Variants in PVT1 observed in about 807,000 individuals in gnomAD.
PVT1 encodes the protein Pvt1 oncogene.
chr8:128,018,602 A>C (rs935432852), intron 4 of PVT1, among the ~76,000 whole-genome samples: 1 of 152,234 alleles, frequency 6.6e-6, no homozygotes, highest in Non-Finnish European at 1.5e-5. Flanking sequence ...CCGTAGCAGT[A>C]AATGTCAGGG....
intron 2 of PVT1, among the ~76,000 whole-genome samples, chr8:127,808,412 T>C (rs1814552654): frequency 6.6e-6 from 1 of 152,144 alleles, no homozygotes; most frequent in Non-Finnish European, 1.5e-5. Context: ...TAATAGCATG[T>C]GTGAAGGCCC....
intron 3 of PVT1, among the ~76,000 whole-genome samples, chr8:127,978,876 G>A (rs1303360181): frequency 2.0e-5 from 3 of 152,024 alleles, no homozygotes; most frequent in African/African-American, 7.3e-5. Context: ...GTGTATTCTT[G>A]AACTCCTAGA....
At chr8:127,942,633 C>T (rs187403753) in intron 3 of PVT1, among the ~76,000 whole-genome samples, 5 of 152,274 alleles carry the variant, frequency 3.3e-5, no homozygotes, top group South Asian at 2.1e-4. Flanking sequence ...GAGTGATAGC[C>T]ACCTGGTGAC....
chr8:127,868,710 GT>G (rs1180515955), intron 2 of PVT1, among the ~76,000 whole-genome samples: 4 of 84,732 alleles, frequency 4.7e-5, no homozygotes, highest in African/African-American at 1.7e-4. Flanking sequence ...TGGCCCACAG[GT>G]TTTTTTTAAT....
chr8:127,836,754 G>A (rs1290512556), intron 2 of PVT1, among the ~76,000 whole-genome samples: 3 of 152,162 alleles, frequency 2.0e-5, no homozygotes, highest in Non-Finnish European at 2.9e-5. Context: ...GAGGCACAGA[G>A]TATTACAATA....
chr8:128,039,374 C>T (rs1473909563), intron 4 of PVT1, among the ~76,000 whole-genome samples: 1 of 152,198 alleles, frequency 6.6e-6, no homozygotes, highest in African/African-American at 2.4e-5. Flanking sequence ...CAATTTCTAC[C>T]CTGTGCCCAC....
intron 3 of PVT1, among the ~76,000 whole-genome samples, chr8:127,987,413 G>A (rs1350457297): frequency 1.3e-5 from 2 of 152,194 alleles, no homozygotes; most frequent in Non-Finnish European, 2.9e-5. Context: ...TGCTCCCTTG[G>A]CCCCATGTGC....
rs796439010 is a variant in PVT1 at position 128,083,234 on chromosome 8, C to T, written n.1114+12873C>T. ...GAATTCATATGATTGTTAGGATCAT[C>T]GAATGGCTAAACATTTTATAAAATG... On this transcript the variant is annotated intron_variant and non_coding_transcript_variant, in intron 5 of 10. Coordinates refer to ENST00000651587, the Ensembl canonical transcript of PVT1. Among the ~76,000 whole-genome samples the T allele has an allele frequency of 2.4e-4, 36 of 152,292 alleles. 1 individual carries two copies. The highest frequency in any genetic ancestry group is 7.0e-4 in the African/African-American group (29 of 41,564).
intron 2 of PVT1, among the ~76,000 whole-genome samples, chr8:127,846,124 C>A (rs1357981488): frequency 6.6e-6 from 1 of 152,144 alleles, no homozygotes; most frequent in Non-Finnish European, 1.5e-5. Context: ...TTTGTAAGGG[C>A]TCTTCAGGTG....
At chr8:127,930,592 G>A (rs1358542651) in intron 3 of PVT1, among the ~76,000 whole-genome samples, 2 of 152,094 alleles carry the variant, frequency 1.3e-5, no homozygotes, top group Non-Finnish European at 2.9e-5. Flanking sequence ...AACAAAGATG[G>A]TGTGTGTGTG....
intron 4 of PVT1, among the ~76,000 whole-genome samples, chr8:128,015,091 A>G (rs867478416): frequency 1.4e-5 from 2 of 139,124 alleles, no homozygotes. Context: ...TTATTTATTT[A>G]TTATTTATTT....
chr8:127,810,000 T>C (rs1372383823), intron 2 of PVT1, among the ~76,000 whole-genome samples: 1 of 152,238 alleles, frequency 6.6e-6, no homozygotes, highest in Non-Finnish European at 1.5e-5. Context: ...TCTGGCAGGC[T>C]GGGCTTCCTA....
chr8:127,886,750 T>C (rs1472107848), intron 2 of PVT1, among the ~76,000 whole-genome samples: 1 of 152,230 alleles, frequency 6.6e-6, no homozygotes, highest in Non-Finnish European at 1.5e-5. Context: ...AAAAAACCCT[T>C]GTCTGCTAAT....
intron 3 of PVT1, among the ~76,000 whole-genome samples, chr8:127,941,905 C>CTCTTTGGGAAG (rs1289837267): frequency 6.6e-6 from 1 of 152,176 alleles, no homozygotes; most frequent in Non-Finnish European, 1.5e-5. Context: ...GGAAGTGGGC[C>CTCTTTGGGAAG]ATGCCTCTCC....
intron 3 of PVT1, among the ~76,000 whole-genome samples, chr8:127,984,901 CTTT>C (rs1816938378): frequency 2.1e-5 from 2 of 96,422 alleles, no homozygotes; most frequent in African/African-American, 3.6e-5. Flanking sequence ...TTCTTTCTTT[CTTT>C]CTTTCTTTCT....
At chr8:128,003,321 C>T (rs1333557413) in intron 4 of PVT1, among the ~76,000 whole-genome samples, 1 of 146,360 alleles carries the variant, frequency 6.8e-6, no homozygotes, top group East Asian at 2.1e-4. Context: ...CCCCTTCTGT[C>T]TCCTCTGCTC....
intron 4 of PVT1, among the ~76,000 whole-genome samples, chr8:128,015,785 AAAAAAG>A (rs894709263): frequency 2.0e-5 from 3 of 148,876 alleles, no homozygotes; most frequent in African/African-American, 5.1e-5. Context: ...AAAAAAAAAA[AAAAAAG>A]GTTTGAGAAG....
chr8:127,986,579 C>T (rs1315411096), intron 3 of PVT1, among the ~76,000 whole-genome samples: 88 of 152,218 alleles, frequency 5.8e-4, no homozygotes, highest in Non-Finnish European at 1.5e-5. Flanking sequence ...CCTTCCTCTT[C>T]ACTCCCTGTT....
intron 3 of PVT1, among the ~76,000 whole-genome samples, chr8:127,935,193 G>A (rs1050115583): frequency 2.2e-4 from 34 of 151,996 alleles, no homozygotes; most frequent in African/African-American, 8.0e-4. Context: ...CTCGAGCTCC[G>A]GACCTCAGGT....
Sources: allele counts gnomAD v4.1 joint callset (sites outside exome capture counted in the v4.1 genomes callset), GRCh38; gene constraint gnomAD v4.1.1; transcripts MANE v1.5; gene names NCBI Gene and HGNC (gene_info 2026-07-23, HGNC 2026-07-21).